The following OPCML variants were observed in gnomAD, a reference collection of about 807,000 sequenced individuals.
OPCML encodes opioid binding protein/cell adhesion molecule like, also known as opioid-binding protein/cell adhesion molecule.
In OPCML, 13 loss-of-function variants were observed where a neutral mutation model predicts 37.8. The ratio of observed to expected loss-of-function variants is 0.34; its 90% CI spans 0.22 to 0.55. The LOEUF (loss-of-function observed/expected upper bound fraction) is 0.55. Ranked by LOEUF, OPCML falls within the 20% of genes least tolerant of loss-of-function variation. The probability of loss-of-function intolerance (pLI) is 0.91; values close to 1 mark genes in which losing one functional copy is unlikely to be tolerated. For missense variants in OPCML, 341 were observed against 435.6 expected, an observed-to-expected ratio of 0.78 and a Z score of 1.93; for synonymous variants, 176 against 168.8, an observed-to-expected ratio of 1.04 and a Z score of -0.33.
At chr11:133,125,825 C>T (rs557780541) in intron 1 of OPCML, among the ~76,000 whole-genome samples, 20 of 135,330 alleles carry the variant, frequency 1.5e-4, no homozygotes, top group East Asian at 4.3e-4. Flanking sequence ...ATAGTATATA[C>T]ACATGTATAT....
At chr11:132,894,828 C>T (rs1421750438) in intron 2 of OPCML, among the ~76,000 whole-genome samples, 1 of 152,210 alleles carries the variant, frequency 6.6e-6, no homozygotes, top group Non-Finnish European at 1.5e-5. Flanking sequence ...CCCACTCCTA[C>T]CCCAGGTTTT....
chr11:133,122,105 G>A (rs2137117075), intron 1 of OPCML, among the ~76,000 whole-genome samples: 1 of 152,338 alleles, frequency 6.6e-6, no homozygotes, highest in African/African-American at 2.4e-5. Context: ...TAGGAATAGT[G>A]TAAAATTGTT....
rs200490083 is a variant in OPCML at position 132,935,352 on chromosome 11, A to T, written c.146+7574T>A. Among the ~76,000 whole-genome samples the T allele has an allele frequency of 3.3e-5, 5 of 152,134 alleles. No individual in the cohort carries two copies. The East Asian group carries it at 9.6e-4, about 29-fold the overall frequency. Reference sequence around the variant, plus strand: ...TCTTTTTTCTCTCTTTTGCGTAATTACTTCTGCAACAACGTTGTTTTCTGT... The same window carrying T: ...TCTTTTTTCTCTCTTTTGCGTAATTTCTTCTGCAACAACGTTGTTTTCTGT... On this transcript the variant is annotated intron_variant, in intron 2 of 7. Coordinates refer to ENST00000524381, the MANE Select transcript of OPCML (RefSeq NM_001012393.5).
At chr11:132,476,055 C>A (rs77551148) in intron 4 of OPCML, among the ~76,000 whole-genome samples, 2 of 152,268 alleles carry the variant, frequency 1.3e-5, no homozygotes, top group African/African-American at 4.8e-5. Context: ...AAGTACTTGA[C>A]GCTATCAGCA....
chr11:132,630,524 A>ATGTGTG (rs1491318889), intron 3 of OPCML, among the ~76,000 whole-genome samples: 3 of 151,010 alleles, frequency 2.0e-5, no homozygotes, highest in African/African-American at 7.3e-5. Context: ...ATAGGACACA[A>ATGTGTG]TATGTGTGTG....
chr11:132,522,491 CT>C (rs1221795704), intron 4 of OPCML, among the ~76,000 whole-genome samples: 11 of 152,188 alleles, frequency 7.2e-5, no homozygotes, highest in Admixed American at 6.5e-4. Context: ...AGTACCCAGG[CT>C]ATCTGTATGC....
chr11:132,639,418 A>G (rs1360024509), intron 3 of OPCML, among the ~76,000 whole-genome samples: 1 of 152,176 alleles, frequency 6.6e-6, no homozygotes, highest in Non-Finnish European at 1.5e-5. Context: ...GCCCTGCTGG[A>G]TGGTTGTAGA....
chr11:133,291,910 C>T (rs895986994), intron 1 of OPCML, among the ~76,000 whole-genome samples: 1 of 152,240 alleles, frequency 6.6e-6, no homozygotes. Flanking sequence ...GTGTGAGAAG[C>T]CAGCTCGCTC....
chr11:133,268,038 T>G (rs1941713505), intron 1 of OPCML, among the ~76,000 whole-genome samples: 1 of 152,240 alleles, frequency 6.6e-6, no homozygotes, highest in Non-Finnish European at 1.5e-5. Context: ...TCCTTCTGTG[T>G]GATCTCAGCC....
At position 132,420,088 on chromosome 11, in the gene OPCML, C is replaced by T; in HGVS notation, c.*105G>A. On this transcript the variant is annotated 3_prime_UTR_variant, in exon 8 of 8. Transcript: ENST00000524381. ...CAAAAAGAAAACAAATCTAGAATAACAGAAAAAAACAAAAAGAAGCCCAAG... is the reference window on the plus strand; with the variant it reads ...CAAAAAGAAAACAAATCTAGAATAATAGAAAAAAACAAAAAGAAGCCCAAG... The T allele has an allele frequency of 3.1e-6, 2 of 642,608 alleles. No individual in the cohort carries two copies. Among genetic ancestry groups the T allele is most frequent in the Non-Finnish European group, 4.6e-6 (2 of 430,534 alleles). The allele number at this position is 642,608 out of a possible 1,614,324, so 39.8% of individuals were successfully genotyped here.
intron 2 of OPCML, among the ~76,000 whole-genome samples, chr11:132,692,311 T>C (rs557143266): frequency 8.6e-5 from 13 of 152,006 alleles, no homozygotes; most frequent in African/African-American, 2.2e-4. Flanking sequence ...TCACTCCATA[T>C]AAAATGAGTG....
At chr11:132,554,867 T>TTTTTTTG in intron 3 of OPCML, among the ~76,000 whole-genome samples, 1 of 104,872 alleles carries the variant, frequency 9.5e-6, no homozygotes, top group African/African-American at 5.5e-5. Context: ...GGTAAAGTTT[T>TTTTTTTG]TTTTTTTTTT....
chr11:132,882,786 C>T (rs1943264331), intron 2 of OPCML, among the ~76,000 whole-genome samples: 1 of 152,046 alleles, frequency 6.6e-6, no homozygotes, highest in Admixed American at 6.5e-5. Flanking sequence ...GCTTGAGAAG[C>T]AGTAGAAATG....
At chr11:133,126,387 G>A (rs1034471283) in intron 1 of OPCML, among the ~76,000 whole-genome samples, 3 of 152,056 alleles carry the variant, frequency 2.0e-5, no homozygotes, top group Non-Finnish European at 4.4e-5. Flanking sequence ...CAGTTTCAGC[G>A]CTCATCTCTT....
At chr11:133,443,298 C>T (rs1343530555) in intron 1 of OPCML, among the ~76,000 whole-genome samples, 1 of 152,174 alleles carries the variant, frequency 6.6e-6, no homozygotes, top group Non-Finnish European at 1.5e-5. Context: ...GTGCTAGGTT[C>T]CACATTGGGT....
At chr11:132,957,848 C>T (rs1450295265) in intron 1 of OPCML, among the ~76,000 whole-genome samples, 1 of 152,202 alleles carries the variant, frequency 6.6e-6, no homozygotes, top group South Asian at 2.1e-4. Flanking sequence ...GTTCTGACTG[C>T]TCTACCAACC....
At chr11:132,529,877 T>C (rs993342447) in intron 3 of OPCML, among the ~76,000 whole-genome samples, 6 of 152,172 alleles carry the variant, frequency 3.9e-5, no homozygotes, top group Non-Finnish European at 4.4e-5. Flanking sequence ...GTACTCCAAA[T>C]TGTATTTTTT....
At chr11:133,188,387 G>A (rs1331113499) in intron 1 of OPCML, among the ~76,000 whole-genome samples, 1 of 152,140 alleles carries the variant, frequency 6.6e-6, no homozygotes, top group African/African-American at 2.4e-5. Context: ...ATACTTCTCT[G>A]AGGAAGAGTG....
In OPCML at chr11:132,688,034, A is replaced by G. The variant is rs529147407; in HGVS notation, c.147-30715T>C. Among the ~76,000 whole-genome samples the G allele has an allele frequency of 5.9e-5, 9 of 152,280 alleles. No homozygotes were observed. The South Asian group carries it at 1.9e-3, about 32-fold the overall frequency. On this transcript the variant is annotated intron_variant, in intron 2 of 7. Coordinates refer to ENST00000524381, the MANE Select transcript of OPCML (RefSeq NM_001012393.5). ...AATCATTCTGGATGTTGCTGCTTCT[A>G]TCCGGGAAATGACGATTCTATCACC...
Sources: gnomAD v4.1 joint callset for allele counts (sites outside exome capture counted in the v4.1 genomes callset) on GRCh38, gnomAD v4.1.1 for gene constraint, MANE v1.5 for transcripts, NCBI Gene and HGNC (gene_info 2026-07-23, HGNC 2026-07-21) for gene names.